The following LHPP variants were observed in gnomAD, a reference collection of about 807,000 sequenced individuals.
The protein encoded by LHPP is hLHPP.
LHPP carries 24 observed loss-of-function variants against 30.3 expected under a neutral mutation model. The ratio of observed to expected loss-of-function variants is 0.79; its 90% CI spans 0.57 to 1.11. LHPP has a LOEUF of 1.11. LHPP is among the 50% of genes most tolerant of loss of function. The pLI, the probability that LHPP is intolerant of heterozygous loss-of-function variation, is 0.00. For missense variants in LHPP, 356 were observed against 367.2 expected (o/e 0.97, Z 0.25); for synonymous variants, 150 against 157.1 (o/e 0.95, Z 0.34).
At chr10:124,546,308 C>G (rs1219640869) in intron 6 of LHPP, 1 of 152,512 alleles carries the variant, frequency 6.6e-6, no homozygotes, top group African/African-American at 2.4e-5. Flanking sequence ...TGTGCTAGGC[C>G]TCTGGCGGGC....
chr10:124,587,888 G>C (rs1948826512), intron 6 of LHPP, among the ~76,000 whole-genome samples: 1 of 152,220 alleles, frequency 6.6e-6, no homozygotes, highest in African/African-American at 2.4e-5. Context: ...CTGGCCGAGT[G>C]CTGAATGCAG....
At chr10:124,589,116 G>A (rs189912876) in intron 6 of LHPP, among the ~76,000 whole-genome samples, 4 of 152,334 alleles carry the variant, frequency 2.6e-5, no homozygotes, top group East Asian at 1.9e-4. Context: ...TGCTTCTGCC[G>A]GGACTCAAGC....
intron 6 of LHPP, among the ~76,000 whole-genome samples, chr10:124,591,573 C>T (rs956642103): frequency 1.2e-4 from 19 of 152,192 alleles, no homozygotes; most frequent in African/African-American, 4.1e-4. Flanking sequence ...GGCCACACAG[C>T]AGGTGGCCAG....
Position 124,541,519 on chromosome 10 carries a change from C to T in LHPP, c.716+24248C>T, listed in dbSNP as rs957857043. 2.6e-5 allele frequency among the ~76,000 whole-genome samples: 4 copies of T among 152,052 alleles called. No individual in the cohort carries two copies. Among genetic ancestry groups the T allele is most frequent in the African/African-American group, 4.8e-5 (2 of 41,370 alleles). ...GCCACCCTGAGGAATTCCACCTGGG[C>T]GTTTGGTGTCCCTAGCATATCTCGA... On this transcript the variant is annotated intron_variant, in intron 6 of 6. Transcript: ENST00000368842. The surrounding 1 kb of genome is among the most constrained non-coding windows in gnomAD (Gnocchi z 4.2).
Position 124,478,664 on chromosome 10 carries a change from C to T in LHPP, c.126-5475C>T, listed in dbSNP as rs1223700894. On this transcript the variant is annotated intron_variant, in intron 1 of 6. Transcript: ENST00000368842. This position sits in a 1 kb window ranked among gnomAD's most constrained non-coding sequence, Gnocchi z 4.7. The stretch of plus-strand genomic sequence containing the variant: ...GAGAGTCCGAGGTGATTTGTAAGGG[C>T]CGGTTCATCTGATGCACGGTAATTG... 2.0e-5 allele frequency among the ~76,000 whole-genome samples: 3 copies of T among 152,204 alleles called. No individual in the cohort carries two copies. Among genetic ancestry groups the T allele is most frequent in the Non-Finnish European group, 4.4e-5 (3 of 68,036 alleles).
At chr10:124,560,003 C>T (rs1948367362) in intron 6 of LHPP, among the ~76,000 whole-genome samples, 1 of 152,242 alleles carries the variant, frequency 6.6e-6, no homozygotes, top group African/African-American at 2.4e-5. Flanking sequence ...GAGGAGGCAT[C>T]ATTTCCACTT....
At chr10:124,498,649 CTTTTCT>C (rs1230290768) in intron 5 of LHPP, 3 of 498,736 alleles carry the variant, frequency 6.0e-6, no homozygotes, top group East Asian at 4.6e-5. Context: ...AGTGGGTTTT[CTTTTCT>C]TTTTCTTTTT....
At position 124,591,163 on chromosome 10, in the gene LHPP, C is replaced by G. The variant is rs541062671; in HGVS notation, c.717-22101C>G. ...CCTGTTAATGAAAGCAGGGGTGAGG[C>G]AAGCGGGGAAGACTCTCTGTACCTG... is the stretch of plus-strand genomic sequence containing the variant. On this transcript the variant is annotated intron_variant, in intron 6 of 6. Coordinates refer to ENST00000368842, the MANE Select transcript of LHPP (RefSeq NM_022126.4). 1.9e-4 allele frequency among the ~76,000 whole-genome samples: 29 copies of G among 152,188 alleles called. No individual in the cohort carries two copies. The East Asian group carries it at 5.2e-3, about 27-fold the overall frequency.
rs541195534 is a variant in LHPP at position 124,557,990 on chromosome 10, G to T, written c.716+40719G>T. Among the ~76,000 whole-genome samples the T allele has an allele frequency of 9.7e-4, 148 of 152,266 alleles. 1 individual carries two copies. The Middle Eastern group carries it at 0.01, about 10-fold the overall frequency. Reference sequence around the variant, plus strand: ...GCGCGTCCTGACACCGTGACACTGCGCATGGTCACATGGAGCCTGTCCTCT... The same window carrying T: ...GCGCGTCCTGACACCGTGACACTGCTCATGGTCACATGGAGCCTGTCCTCT... On this transcript the variant is annotated intron_variant, in intron 6 of 6. Coordinates refer to ENST00000368842, the MANE Select transcript of LHPP (RefSeq NM_022126.4).
chr10:124,539,272 G>C (rs934150297), intron 6 of LHPP, among the ~76,000 whole-genome samples: 3 of 152,250 alleles, frequency 2.0e-5, no homozygotes, highest in East Asian at 1.9e-4. Flanking sequence ...GGAGCCACTC[G>C]AGCACCCAAG....
At chr10:124,532,193 A>G (rs1954916152) in intron 6 of LHPP, among the ~76,000 whole-genome samples, 1 of 152,168 alleles carries the variant, frequency 6.6e-6, no homozygotes, top group Non-Finnish European at 1.5e-5. Flanking sequence ...TCATTTGTTC[A>G]GTCTTTGCTT....
At chr10:124,611,837 A>C (rs1335594475) in intron 6 of LHPP, among the ~76,000 whole-genome samples, 1 of 151,886 alleles carries the variant, frequency 6.6e-6, no homozygotes, top group African/African-American at 2.4e-5. Context: ...ACTTCCTCTC[A>C]GACCAGGGTG....
At chr10:124,489,529 G>A (rs9422840) in intron 3 of LHPP, among the ~76,000 whole-genome samples, 33,247 of 151,864 alleles carry the variant, frequency 0.22, 3,633 homozygotes, top group East Asian at 0.3. Context: ...ATCTCGGCTC[G>A]CTGCAACCTC....
rs57739169 is a variant in LHPP, at chr10:124,475,030, C to CTTTTTTTTTTT, written c.126-9099_126-9098insTTTTTTTTTTT. 4.7e-3 allele frequency among the ~76,000 whole-genome samples: 467 copies of CTTTTTTTTTTT among 98,654 alleles called. 46 individuals carry two copies. Among genetic ancestry groups the CTTTTTTTTTTT allele is most frequent in the African/African-American group, 0.018 (451 of 25,400 alleles). 64.7% of individuals were successfully genotyped at this position (98,654 alleles called of 152,430 possible). ...GAAATGTGCCAGGTGCTTCTCATGT[C>CTTTTTTTTTTT]TTTTTTTTTTGAAATGGAGTCTCGC... On this transcript the variant is annotated intron_variant, in intron 1 of 6. Coordinates refer to ENST00000368842, the MANE Select transcript of LHPP (RefSeq NM_022126.4).
chr10:124,592,897 G>A lies in LHPP; in HGVS notation c.717-20367G>A, dbSNP rs1055069530. Among the ~76,000 whole-genome samples, 4 of 152,242 alleles carry A rather than the reference G, an allele frequency of 2.6e-5. No individual in the cohort carries two copies. Among genetic ancestry groups the A allele is most frequent in the African/African-American group, 7.2e-5 (3 of 41,470 alleles). ...GATGGGGTCCCTGTGGGCACAATCGGCCCAGTGTGGGGCGCACCGCCCCAG... is the reference window on the plus strand; with the variant it reads ...GATGGGGTCCCTGTGGGCACAATCGACCCAGTGTGGGGCGCACCGCCCCAG... On this transcript the variant is annotated intron_variant, in intron 6 of 6. Transcript: ENST00000368842. The surrounding 1 kb of genome is among the most constrained non-coding windows in gnomAD (Gnocchi z 6.2).
At chr10:124,545,826 C>A (rs1300098355) in intron 6 of LHPP, among the ~76,000 whole-genome samples, 2 of 152,180 alleles carry the variant, frequency 1.3e-5, no homozygotes, top group Non-Finnish European at 2.9e-5. Flanking sequence ...TGTCATTCTG[C>A]TGCAAGAGGG....
intron 3 of LHPP, 47 bp downstream of exon 3, chr10:124,488,622 C>A: frequency 6.5e-7 from 1 of 1,533,366 alleles, no homozygotes. Context: ...TTAGATGATG[C>A]TGTGCCAGTC....
rs181569976 is a variant in LHPP, at chr10:124,587,474, C to A, written c.717-25790C>A. Among the ~76,000 whole-genome samples the A allele has an allele frequency of 2.6e-5, 4 of 151,746 alleles. No individual in the cohort carries two copies. In the East Asian group the frequency reaches 7.9e-4, roughly 30 times the overall value. ...ATCCACCCTGAGGCAGGCGCAGTGG[C>A]TCACGTCTGTAATCCCAGCACTTTG... On this transcript the variant is annotated intron_variant, in intron 6 of 6. Transcript: ENST00000368842.
At chr10:124,472,305 T>G (rs1564769304) in intron 1 of LHPP, among the ~76,000 whole-genome samples, 2 of 152,060 alleles carry the variant, frequency 1.3e-5, no homozygotes, top group African/African-American at 4.8e-5. Flanking sequence ...ACAGCAAGAC[T>G]CTGTCTCAAA....
Sources: allele counts gnomAD v4.1 joint callset (sites outside exome capture counted in the v4.1 genomes callset), GRCh38; gene constraint gnomAD v4.1.1; non-coding constraint Gnocchi (gnomAD v3.1); transcripts MANE v1.5; gene names NCBI Gene and HGNC (gene_info 2026-07-23, HGNC 2026-07-21).